Variants in TPST1 observed in about 807,000 individuals in gnomAD.
The protein encoded by TPST1 is tyrosylprotein sulfotransferase 1, also known as protein-tyrosine sulfotransferase 1.
TPST1 carries 20 observed loss-of-function variants against 34.8 expected under a neutral mutation model. That is an observed-to-expected ratio of 0.57 (90% CI 0.40 to 0.84). TPST1 has a LOEUF of 0.84. Among genes scored for constraint, TPST1 ranks in the 40% least tolerant of loss-of-function variants. TPST1 has a pLI of 0.00. For synonymous variants in TPST1, 152 were observed against 159.4 expected, an observed-to-expected ratio of 0.95 and a Z score of 0.35; for missense variants, 353 against 455.5, an observed-to-expected ratio of 0.78 and a Z score of 2.05.
At position 66,331,096 on chromosome 7, in the gene TPST1, G is replaced by A. The variant is rs367687677; in HGVS notation, c.1045-21409G>A. Among the ~76,000 whole-genome samples the A allele has an allele frequency of 1.7e-3, 265 of 152,240 alleles. 1 individual carries two copies. Among genetic ancestry groups the A allele is most frequent in the Middle Eastern group, 3.4e-3 (1 of 294 alleles). On this transcript the variant is annotated intron_variant, in intron 3 of 5. Transcript: ENST00000304842. ...TCATGTGACTGTTGGCAGGCCTCAG[G>A]TTTTCACTGGCTGTTGGCTGGAGAT...
In TPST1 at chr7:66,345,004, G is replaced by A. The variant is rs141588963; in HGVS notation, c.1045-7501G>A. 9.9e-3 allele frequency among the ~76,000 whole-genome samples: 1,506 copies of A among 151,436 alleles called. 19 individuals are homozygous for A. The highest frequency in any genetic ancestry group is 0.016 in the Non-Finnish European group (1,066 of 67,882). On this transcript the variant is annotated intron_variant, in intron 3 of 5. Coordinates refer to ENST00000304842, the MANE Select transcript of TPST1 (RefSeq NM_003596.4). Reference sequence around the variant, plus strand: ...CTCCCAAAGTGCTGGGATTACAGGCGTGAGCCACCGCGCCTGGCCAATTTT... The same window carrying A: ...CTCCCAAAGTGCTGGGATTACAGGCATGAGCCACCGCGCCTGGCCAATTTT...
intron 3 of TPST1, among the ~76,000 whole-genome samples, chr7:66,317,966 CTGGCCAACA>C (rs1219899685): frequency 1.3e-5 from 2 of 152,122 alleles, no homozygotes; most frequent in Non-Finnish European, 2.9e-5. Context: ...CCAGACCAGC[CTGGCCAACA>C]TGGCGAAACC....
At chr7:66,207,760 A>G (rs754641255) in intron 1 of TPST1, among the ~76,000 whole-genome samples, 2 of 152,316 alleles carry the variant, frequency 1.3e-5, no homozygotes, top group Non-Finnish European at 2.9e-5. Context: ...GCATAGCTGT[A>G]TGTGGATGCT....
At chr7:66,333,694 T>C (rs1792039728) in intron 3 of TPST1, among the ~76,000 whole-genome samples, 2 of 152,244 alleles carry the variant, frequency 1.3e-5, no homozygotes, top group Non-Finnish European at 2.9e-5. Flanking sequence ...TAGTAGTTTA[T>C]TTGTTAGCTT....
chr7:66,235,163 T>G (rs1214637734), intron 1 of TPST1, among the ~76,000 whole-genome samples: 1 of 151,406 alleles, frequency 6.6e-6, no homozygotes, highest in Non-Finnish European at 1.5e-5. Flanking sequence ...TTTAACATAA[T>G]GGATGCAATG....
chr7:66,305,988 T>C (rs986227255), intron 3 of TPST1, among the ~76,000 whole-genome samples: 2 of 152,232 alleles, frequency 1.3e-5, no homozygotes, highest in Admixed American at 1.3e-4. Flanking sequence ...ATTCCGCCTC[T>C]GTCCACACCT....
At chr7:66,274,818 GA>G (rs1247128500) in intron 2 of TPST1, among the ~76,000 whole-genome samples, 1 of 152,062 alleles carries the variant, frequency 6.6e-6, no homozygotes, top group Non-Finnish European at 1.5e-5. Context: ...ACAGTTATAT[GA>G]AAAAAATGCT....
chr7:66,202,231 T>G (rs1037607131), upstream of TPST1, among the ~76,000 whole-genome samples: 3 of 152,302 alleles, frequency 2.0e-5, no homozygotes, highest in East Asian at 5.8e-4. Context: ...ACCCTGAGCT[T>G]TGCTTCAGAT....
intron 2 of TPST1, among the ~76,000 whole-genome samples, chr7:66,283,273 C>T (rs1562828715): frequency 6.6e-6 from 1 of 151,334 alleles, no homozygotes; most frequent in African/African-American, 2.4e-5. Flanking sequence ...AAAACAAAAA[C>T]AAAAAAAACC....
chr7:66,327,033 C>CATCT (rs1375409177), intron 3 of TPST1, among the ~76,000 whole-genome samples: 1 of 152,144 alleles, frequency 6.6e-6, no homozygotes. Flanking sequence ...AGATAATGAG[C>CATCT]ATCTGGTGGA....
chr7:66,250,961 G>A (rs1047439255), intron 2 of TPST1, among the ~76,000 whole-genome samples: 1 of 152,206 alleles, frequency 6.6e-6, no homozygotes, highest in Non-Finnish European at 1.5e-5. Context: ...TAGACAGAGT[G>A]AGACAATGTT....
At chr7:66,276,831 G>C (rs1419133445) in intron 2 of TPST1, among the ~76,000 whole-genome samples, 3 of 151,882 alleles carry the variant, frequency 2.0e-5, no homozygotes, top group African/African-American at 4.8e-5. Flanking sequence ...CTATAGGAAT[G>C]TTCTTCTTCT....
chr7:66,268,575 A>G (rs185901459), intron 2 of TPST1, among the ~76,000 whole-genome samples: 2 of 152,354 alleles, frequency 1.3e-5, no homozygotes, highest in East Asian at 3.9e-4. Context: ...ATAGAATAGG[A>G]TAAATAAAAA....
chr7:66,249,982 T>G (rs1015411094), intron 2 of TPST1, among the ~76,000 whole-genome samples: 4 of 152,230 alleles, frequency 2.6e-5, no homozygotes, highest in African/African-American at 9.7e-5. Flanking sequence ...GTTGATACTT[T>G]GAAGCTGGCT....
intron 2 of TPST1, among the ~76,000 whole-genome samples, chr7:66,273,946 G>A (rs1313503518): frequency 2.0e-5 from 3 of 152,044 alleles, no homozygotes; most frequent in African/African-American, 7.2e-5. Flanking sequence ...GGGACTGCAG[G>A]CATGTGCCAC....
chr7:66,323,225 C>T (rs555250217), intron 3 of TPST1, among the ~76,000 whole-genome samples: 1 of 151,998 alleles, frequency 6.6e-6, no homozygotes, highest in African/African-American at 2.4e-5. Context: ...TATTTTGATT[C>T]TTTAATTGGG....
Position 66,342,820 on chromosome 7 carries a change from ACAT to A in TPST1, c.1045-9682_1045-9680del, listed in dbSNP as rs746960202. Reference sequence around the variant, plus strand: ...GAACTCACTCACAAGTGCAGGGACAACATCAAGCCATTCATGAGGGATCTGGCC... The same window carrying A: ...GAACTCACTCACAAGTGCAGGGACAACAAGCCATTCATGAGGGATCTGGCC... On this transcript the variant is annotated intron_variant, in intron 3 of 5. Coordinates refer to ENST00000304842, the MANE Select transcript of TPST1 (RefSeq NM_003596.4). Among the ~76,000 whole-genome samples, 13 of 152,294 alleles carry A rather than the reference ACAT, an allele frequency of 8.5e-5. No homozygotes were observed. In the East Asian group the frequency reaches 2.3e-3, roughly 27 times the overall value.
rs538587617 is a variant in TPST1 at position 66,319,087 on chromosome 7, A to G, written c.1044+32378A>G. Among the ~76,000 whole-genome samples, 3 of 152,190 alleles carry G rather than the reference A, an allele frequency of 2.0e-5. No individual in the cohort carries two copies. The South Asian group carries it at 6.2e-4, about 32-fold the overall frequency. ...TTCTCATTTATTTGTTTTGTTTTGT[A>G]TATTTATATGATTTCCTGTATTTTA... On this transcript the variant is annotated intron_variant, in intron 3 of 5. Transcript: ENST00000304842.
intron 5 of TPST1, 117 bp from the exon 6 acceptor site, chr7:66,359,778 G>A (rs1792655100): frequency 2.3e-6 from 1 of 426,136 alleles, no homozygotes; most frequent in Admixed American, 2.4e-5. Flanking sequence ...TGATCTGCAG[G>A]AACCTCCCCA....
Sources: allele counts gnomAD v4.1 joint callset (sites outside exome capture counted in the v4.1 genomes callset), GRCh38; gene constraint gnomAD v4.1.1; transcripts MANE v1.5; gene names NCBI Gene and HGNC (gene_info 2026-07-23, HGNC 2026-07-21).